Variants in GOLGA1 observed in about 807,000 individuals in gnomAD.
GOLGA1 encodes the protein golgin A1, also known as golgin subfamily A member 1.
In GOLGA1, 63 loss-of-function variants were observed where a neutral mutation model predicts 119.7. The ratio of observed to expected loss-of-function variants is 0.53; its 90% CI spans 0.43 to 0.65. The LOEUF (loss-of-function observed/expected upper bound fraction) is 0.65, where lower values mean the gene tolerates loss of function less well. GOLGA1 is among the 30% of genes least tolerant of loss of function. GOLGA1 has a pLI of 0.00. For missense variants in GOLGA1, 798 were observed against 912.8 expected, an observed-to-expected ratio of 0.87 and a Z score of 1.62; for synonymous variants, 318 against 333.4, an observed-to-expected ratio of 0.95 and a Z score of 0.50.
chr9:124,904,662 C>T (rs1005264685), intron 12 of GOLGA1, among the ~76,000 whole-genome samples: 1 of 151,502 alleles, frequency 6.6e-6, no homozygotes, highest in Non-Finnish European at 1.5e-5. Flanking sequence ...TACAAAAAGG[C>T]TGGGCGCAGT....
chr9:124,934,317 G>A (rs1830824619), intron 3 of GOLGA1, among the ~76,000 whole-genome samples: 1 of 152,158 alleles, frequency 6.6e-6, no homozygotes, highest in Non-Finnish European at 1.5e-5. Context: ...TATTACAGAG[G>A]TTAGCAGAAG....
chr9:124,904,628 G>A (rs1830182692), intron 12 of GOLGA1, among the ~76,000 whole-genome samples: 1 of 152,176 alleles, frequency 6.6e-6, no homozygotes, highest in East Asian at 1.9e-4. Flanking sequence ...GGCCAACATG[G>A]TGAAACCCCG....
rs761834270 is a variant in GOLGA1, at chr9:124,921,823, G to T, written c.631C>A (p.Arg211Ser). The T allele has an allele frequency of 1.2e-6, 2 of 1,612,842 alleles. No individual in the cohort carries two copies. Among genetic ancestry groups the T allele is most frequent in the African/African-American group, 2.7e-5 (2 of 74,914 alleles). The change falls in exon 9 of 23, where the codon CGT becomes AGT. Residue 211 changes from arginine to serine, a missense_variant. Transcript: ENST00000373555. Reference protein sequence around the residue: ...ELEARTRELSRTQEELMNSNQ... With the variant: ...ELEARTRELSSTQEELMNSNQ... The stretch of plus-strand genomic sequence containing the variant: ...GAGTTCATCAACTCCTCCTGGGTAC[G>T]ACTAAGTTCTCTGGTTCGTGCCTCC...
chr9:124,908,808 A>C (rs1830280536), intron 11 of GOLGA1, among the ~76,000 whole-genome samples: 1 of 152,230 alleles, frequency 6.6e-6, no homozygotes, highest in Non-Finnish European at 1.5e-5. Context: ...GTTAGGGTTC[A>C]GGGAGCCTCC....
intron 4 of GOLGA1, among the ~76,000 whole-genome samples, chr9:124,930,635 T>C (rs1205982667): frequency 6.6e-6 from 1 of 152,132 alleles, no homozygotes; most frequent in Non-Finnish European, 1.5e-5. Flanking sequence ...AAATGGGCAT[T>C]AAAAGGCCAA....
chr9:124,912,227 C>A (rs544632314), intron 10 of GOLGA1, among the ~76,000 whole-genome samples: 29 of 152,224 alleles, frequency 1.9e-4, no homozygotes, highest in African/African-American at 5.8e-4. Context: ...CAGCTCAGAC[C>A]TAGTGCAGCA....
At chr9:124,926,617 T>G (rs751483891) in intron 7 of GOLGA1, 92 bp downstream of exon 7, 1 of 818,148 alleles carries the variant, frequency 1.2e-6, no homozygotes, top group African/African-American at 1.7e-5. Context: ...AGAGGTGGTA[T>G]AGCAATCAGT....
intron 3 of GOLGA1, among the ~76,000 whole-genome samples, chr9:124,934,343 G>C (rs1830825440): frequency 6.6e-6 from 1 of 152,110 alleles, no homozygotes; most frequent in African/African-American, 2.4e-5. Context: ...GCACCAAACA[G>C]CCAGGAGGGG....
chr9:124,917,366 AAAAC>A (rs1463141156), intron 10 of GOLGA1, among the ~76,000 whole-genome samples: 3 of 152,324 alleles, frequency 2.0e-5, no homozygotes, highest in Admixed American at 2.0e-4. Flanking sequence ...AGACAAGAAA[AAAAC>A]AAATTCCAAA....
At chr9:124,919,156 C>G (rs1384557737) in intron 10 of GOLGA1, among the ~76,000 whole-genome samples, 1 of 151,738 alleles carries the variant, frequency 6.6e-6, no homozygotes, top group Non-Finnish European at 1.5e-5. Context: ...ATTTGGGAGG[C>G]TGAGGTGGAA....
chr9:124,928,019 A>G (rs1302411577), intron 6 of GOLGA1, among the ~76,000 whole-genome samples, 169 bp downstream of exon 6: 1 of 152,256 alleles, frequency 6.6e-6, no homozygotes, highest in East Asian at 1.9e-4. Context: ...TTAGAACTGT[A>G]AAGTTTCTTC....
chr9:124,885,825 G>C (rs1018025766), intron 19 of GOLGA1, among the ~76,000 whole-genome samples: 2 of 152,138 alleles, frequency 1.3e-5, no homozygotes, highest in Admixed American at 6.5e-5. Context: ...TTTCATAAGA[G>C]ATCAACAGAG....
intron 19 of GOLGA1, among the ~76,000 whole-genome samples, chr9:124,887,082 G>T (rs1248594388): frequency 6.6e-6 from 1 of 152,210 alleles, no homozygotes; most frequent in Non-Finnish European, 1.5e-5. Flanking sequence ...TGAGGAAAGG[G>T]AGAGAGGCCA....
At chr9:124,929,352 T>A in intron 4 of GOLGA1, 62 bp from the exon 5 acceptor site, 1 of 1,002,952 alleles carries the variant, frequency 1.0e-6, no homozygotes, top group Non-Finnish European at 1.6e-6. Flanking sequence ...GGAAGTTAAT[T>A]AAACAAAAAA....
chr9:124,907,804 T>C (rs1830263390), intron 12 of GOLGA1, among the ~76,000 whole-genome samples: 1 of 152,154 alleles, frequency 6.6e-6, no homozygotes, highest in Non-Finnish European at 1.5e-5. Context: ...GAAATGCCAA[T>C]GCTGGAAAAG....
Position 124,880,109 on chromosome 9 carries a change from C to A in GOLGA1, c.*421G>T, listed in dbSNP as rs1829540481. On this transcript the variant is annotated 3_prime_UTR_variant, in exon 23 of 23. Coordinates refer to ENST00000373555, the MANE Select transcript of GOLGA1 (RefSeq NM_002077.4). Reference sequence around the variant, plus strand: ...TGGAGTTGGCTGTTCCTGGCAGAGGCAGGTGGGTTTGGCCTGCTGGGCACC... The same window carrying A: ...TGGAGTTGGCTGTTCCTGGCAGAGGAAGGTGGGTTTGGCCTGCTGGGCACC... 1 of 156,652 alleles carries A rather than the reference C, an allele frequency of 6.4e-6. No homozygotes were observed. The highest frequency in any genetic ancestry group is 2.4e-5 in the African/African-American group (1 of 41,550). 9.7% of individuals were successfully genotyped at this position (156,652 alleles called of 1,614,324 possible).
chr9:124,894,483 G>A (rs1829921571), intron 15 of GOLGA1, among the ~76,000 whole-genome samples: 1 of 151,718 alleles, frequency 6.6e-6, no homozygotes, highest in Non-Finnish European at 1.5e-5. Context: ...TGCAAGCTCC[G>A]CCTCCTGGGC....
In GOLGA1 at chr9:124,878,552, A is replaced by G. The variant is rs1829498374; in HGVS notation, c.*1978T>C. The G allele has an allele frequency of 6.6e-6, 1 of 152,668 alleles. No individual in the cohort carries two copies. Among genetic ancestry groups the G allele is most frequent in the African/African-American group, 2.4e-5 (1 of 41,462 alleles). The allele number at this position is 152,668 out of a possible 1,614,324, so 9.5% of individuals were successfully genotyped here. ...AGTTTTATACAAGTCAAAGTGCATT[A>G]AATCACTTAGAATATTTATTCCACT... On this transcript the variant is annotated 3_prime_UTR_variant, in exon 23 of 23. Transcript: ENST00000373555.
chr9:124,939,415 G>C (rs1009612814), intron 2 of GOLGA1, among the ~76,000 whole-genome samples: 2 of 152,084 alleles, frequency 1.3e-5, no homozygotes, highest in African/African-American at 4.8e-5. Flanking sequence ...AATAGGAAAA[G>C]CTGGTAACAG....
Sources: gnomAD v4.1 joint callset for allele counts (sites outside exome capture counted in the v4.1 genomes callset) on GRCh38, gnomAD v4.1.1 for gene constraint, MANE v1.5 for transcripts, NCBI Gene and HGNC (gene_info 2026-07-23, HGNC 2026-07-21) for gene names.